SPRR2B: variants seen among roughly 807,000 people sequenced by gnomAD.
SPRR2B encodes the protein small proline rich protein 2B.
In SPRR2B, 1 loss-of-function variant was observed where a neutral mutation model predicts 1.0. The ratio of observed to expected loss-of-function variants is 1.01; its 90% CI spans 0.36 to 4.77. The LOEUF (loss-of-function observed/expected upper bound fraction) is 4.77, where lower values mean the gene tolerates loss of function less well. Ranked by LOEUF, SPRR2B falls within the 30% of genes most tolerant of loss-of-function variation. The pLI is 0.16. For missense variants in SPRR2B, 53 were observed against 88.7 expected, an observed-to-expected ratio of 0.60 and a Z score of 1.62; for synonymous variants, 27 against 33.4, an observed-to-expected ratio of 0.81 and a Z score of 0.66.
chr1:153,077,325 A>G, the SPRR2B span, among the ~76,000 whole-genome samples: 1 of 152,168 alleles, frequency 6.6e-6, no homozygotes, highest in Non-Finnish European at 1.5e-5. Context: ...TTGTCTGTAG[A>G]TTTTGTGTAT....
At chr1:153,079,034 G>A in the SPRR2B span, among the ~76,000 whole-genome samples, 88 of 152,282 alleles carry the variant, frequency 5.8e-4, no homozygotes, top group African/African-American at 1.8e-3. Flanking sequence ...GTTGTTTCCT[G>A]ACTTTTCAAT....
chr1:153,086,305 T>C, the SPRR2B span, among the ~76,000 whole-genome samples: 1 of 152,086 alleles, frequency 6.6e-6, no homozygotes, highest in Non-Finnish European at 1.5e-5. Context: ...ATGACCCACA[T>C]AGGCTCAAAG....
the SPRR2B span, among the ~76,000 whole-genome samples, chr1:153,078,896 T>C: frequency 6.6e-6 from 1 of 152,218 alleles, no homozygotes; most frequent in Non-Finnish European, 1.5e-5. Context: ...GGATGGCTGG[T>C]CAAATGGTAT....
At chr1:153,073,600 A>C (rs1024401323), upstream of SPRR2B, among the ~76,000 whole-genome samples, 3 of 152,090 alleles carry the variant, frequency 2.0e-5, no homozygotes, top group Non-Finnish European at 4.4e-5. Flanking sequence ...GTTCAGCTAC[A>C]TGAAGAGTGG....
chr1:153,070,640 T>C lies in SPRR2B; in HGVS notation c.200A>G (p.Tyr67Cys), dbSNP rs769349170. Residue 67 changes from tyrosine to cysteine, a missense_variant, in exon 2 of 2, where the codon TAT (tyrosine) becomes TGT (cysteine). Coordinates refer to ENST00000368755, the MANE Select transcript of SPRR2B (RefSeq NM_001388198.1). ...AAGCTGTTACTTGCTCTTCGGTGGA[T>C]ACTTTGGCTGGCAGGGTGGGGAAGG... ...VTPSPPCQPK[Y>C]PPKSK The C allele has an allele frequency of 1.5e-5, 24 of 1,612,184 alleles. No homozygotes were observed. Among genetic ancestry groups the C allele is most frequent in the Admixed American group, 1.3e-4 (8 of 59,970 alleles).
chr1:153,071,349 C>T (rs1654661714), intron 1 of SPRR2B, among the ~76,000 whole-genome samples: 1 of 152,112 alleles, frequency 6.6e-6, no homozygotes, highest in Non-Finnish European at 1.5e-5. Flanking sequence ...TTCTTCCAAC[C>T]AAAGCTTTCC....
chr1:153,080,420 C>T, the SPRR2B span, among the ~76,000 whole-genome samples: 2 of 152,118 alleles, frequency 1.3e-5, no homozygotes, highest in African/African-American at 4.8e-5. Flanking sequence ...AAACCATATC[C>T]ATTAGGCTAC....
At chr1:153,073,445 C>T (rs1053294419), upstream of SPRR2B, among the ~76,000 whole-genome samples, 40 of 152,064 alleles carry the variant, frequency 2.6e-4, no homozygotes, top group Admixed American at 2.6e-3. Context: ...CCTGAGACTC[C>T]CCTTCTGAGA....
chr1:153,074,922 T>C (rs768311107), upstream of SPRR2B, among the ~76,000 whole-genome samples: 2 of 152,264 alleles, frequency 1.3e-5, no homozygotes, highest in Non-Finnish European at 2.9e-5. Flanking sequence ...TTTATTGTTA[T>C]AGCTCTACAT....
the SPRR2B span, among the ~76,000 whole-genome samples, chr1:153,085,617 T>C: frequency 6.6e-6 from 1 of 152,210 alleles, no homozygotes; most frequent in Admixed American, 6.5e-5. Context: ...CCAGATATTA[T>C]CATCCATGAG....
chr1:153,077,672 A>G, the SPRR2B span, among the ~76,000 whole-genome samples: 1 of 150,726 alleles, frequency 6.6e-6, no homozygotes, highest in Middle Eastern at 3.5e-3. Context: ...GCTGGAATGC[A>G]GTGGCATGAT....
chr1:153,085,863 T>C, the SPRR2B span, among the ~76,000 whole-genome samples: 1 of 152,048 alleles, frequency 6.6e-6, no homozygotes, highest in Non-Finnish European at 1.5e-5. Flanking sequence ...CAAGAAGAGA[T>C]TGGGAGCCAA....
upstream of SPRR2B, among the ~76,000 whole-genome samples, chr1:153,075,553 G>GATA (rs1284925472): frequency 7.9e-5 from 12 of 151,986 alleles, no homozygotes; most frequent in Non-Finnish European, 1.6e-4. Context: ...AGAACAAAGT[G>GATA]ATAATAATAG....
chr1:153,079,845 C>A, the SPRR2B span, among the ~76,000 whole-genome samples: 6 of 151,970 alleles, frequency 3.9e-5, no homozygotes, highest in Middle Eastern at 3.4e-3. Flanking sequence ...CTTGGCAATG[C>A]GGGCTCTTTT....
chr1:153,083,766 A>G, the SPRR2B span, among the ~76,000 whole-genome samples: 1 of 152,332 alleles, frequency 6.6e-6, no homozygotes, highest in East Asian at 1.9e-4. Context: ...ACCACCAGGG[A>G]CACTCCAGTT....
At chr1:153,079,490 G>T in the SPRR2B span, among the ~76,000 whole-genome samples, 1 of 152,104 alleles carries the variant, frequency 6.6e-6, no homozygotes. Flanking sequence ...GAGTTTTTAT[G>T]GTTTTAGGTC....
the SPRR2B span, among the ~76,000 whole-genome samples, chr1:153,087,651 C>A: frequency 0.059 from 9,006 of 151,938 alleles, 286 homozygotes; most frequent in Middle Eastern, 0.13. Context: ...ATAGAAAAAA[C>A]AAATGCATTC....
At chr1:153,079,841 A>G in the SPRR2B span, among the ~76,000 whole-genome samples, 5 of 151,958 alleles carry the variant, frequency 3.3e-5, no homozygotes, top group Admixed American at 2.6e-4. Context: ...TTGACTTGGC[A>G]ATGCGGGCTC....
upstream of SPRR2B, among the ~76,000 whole-genome samples, chr1:153,071,724 C>G (rs1022796813): frequency 6.6e-6 from 1 of 152,166 alleles, no homozygotes; most frequent in Non-Finnish European, 1.5e-5. Context: ...GCAAATTTAT[C>G]CATAACTGGC....
Sources: gnomAD v4.1 joint callset for allele counts (sites outside exome capture counted in the v4.1 genomes callset) on GRCh38, gnomAD v4.1.1 for gene constraint, MANE v1.5 for transcripts, NCBI Gene and HGNC (gene_info 2026-07-23, HGNC 2026-07-21) for gene names.